ITGBL1: variants seen among roughly 807,000 people sequenced by gnomAD.
ITGBL1 encodes integrin subunit beta like 1.
Under a neutral mutation model 68.5 loss-of-function variants are expected in ITGBL1, and 51 were observed. That is an observed-to-expected ratio of 0.74 (90% CI 0.59 to 0.94). The LOEUF is 0.94. Ranked by LOEUF, ITGBL1 falls within the 40% of genes least tolerant of loss-of-function variation. The pLI is 0.00. For missense variants in ITGBL1, 649 were observed against 647.4 expected (o/e 1.00, Z -0.03); for synonymous variants, 209 against 227.3 (o/e 0.92, Z 0.72).
At chr13:101,474,443 C>T (rs7328060) in intron 2 of ITGBL1, among the ~76,000 whole-genome samples, 122 of 152,284 alleles carry the variant, frequency 8.0e-4, no homozygotes, top group African/African-American at 2.8e-3. Context: ...CCTGACTCCA[C>T]GCACTGGCTC....
intron 2 of ITGBL1, among the ~76,000 whole-genome samples, chr13:101,565,264 G>A (rs138745142): frequency 1.3e-4 from 20 of 152,162 alleles, no homozygotes; most frequent in African/African-American, 4.3e-4. Context: ...CTAATCCCCC[G>A]AGGTCTGCTA....
At chr13:101,699,500 T>G (rs1260870988) in intron 8 of ITGBL1, among the ~76,000 whole-genome samples, 2 of 152,184 alleles carry the variant, frequency 1.3e-5, no homozygotes, top group Non-Finnish European at 2.9e-5. Context: ...ATTCTCATGA[T>G]AGTAAGTTCT....
At chr13:101,633,838 T>G (rs570709412) in intron 7 of ITGBL1, among the ~76,000 whole-genome samples, 10 of 152,314 alleles carry the variant, frequency 6.6e-5, no homozygotes, top group Admixed American at 5.9e-4. Flanking sequence ...ATAGGCTGAT[T>G]ATGTATTTTA....
At chr13:101,521,713 C>T (rs549035204) in intron 2 of ITGBL1, among the ~76,000 whole-genome samples, 13 of 152,214 alleles carry the variant, frequency 8.5e-5, no homozygotes, top group South Asian at 2.1e-4. Flanking sequence ...ACAGGAGTGC[C>T]GAAGAGCATC....
intron 2 of ITGBL1, among the ~76,000 whole-genome samples, chr13:101,538,631 A>C (rs1271096807): frequency 6.6e-6 from 1 of 152,146 alleles, no homozygotes; most frequent in Non-Finnish European, 1.5e-5. Context: ...AGATCTCACT[A>C]TAGAACTATA....
At chr13:101,709,550 G>A (rs2034366617) in intron 9 of ITGBL1, among the ~76,000 whole-genome samples, 1 of 152,010 alleles carries the variant, frequency 6.6e-6, no homozygotes, top group African/African-American at 2.4e-5. Context: ...CTCTGAGCAT[G>A]GCTTCAGACA....
chr13:101,502,088 A>G (rs1390441847), intron 2 of ITGBL1, among the ~76,000 whole-genome samples: 1 of 152,242 alleles, frequency 6.6e-6, no homozygotes, highest in Non-Finnish European at 1.5e-5. Flanking sequence ...ACCCTAATTT[A>G]GGGATTAATG....
chr13:101,651,955 AG>A (rs1432568405), intron 7 of ITGBL1, among the ~76,000 whole-genome samples: 1 of 152,038 alleles, frequency 6.6e-6, no homozygotes, highest in Non-Finnish European at 1.5e-5. Context: ...TGTTTTCGTC[AG>A]GTTTGTTGAA....
intron 8 of ITGBL1, among the ~76,000 whole-genome samples, chr13:101,694,849 G>A (rs1438775104): frequency 6.6e-6 from 1 of 152,142 alleles, no homozygotes; most frequent in African/African-American, 2.4e-5. Flanking sequence ...CTTGGCTTTA[G>A]ATTCTTTTCA....
At chr13:101,548,562 A>T (rs891228915) in intron 2 of ITGBL1, among the ~76,000 whole-genome samples, 3 of 151,896 alleles carry the variant, frequency 2.0e-5, no homozygotes, top group African/African-American at 7.2e-5. Flanking sequence ...AGTTTAGTGC[A>T]TTTAAGTGAA....
chr13:101,570,305 GT>G (rs539649034), intron 3 of ITGBL1, among the ~76,000 whole-genome samples: 129 of 152,070 alleles, frequency 8.5e-4, no homozygotes, highest in African/African-American at 2.9e-3. Context: ...CCTGCCTTTT[GT>G]TTTTGTTTTT....
In ITGBL1 at chr13:101,702,043, CA is replaced by C. The variant is rs2034148712; in HGVS notation, c.1133-4712del. On this transcript the variant is annotated intron_variant, in intron 8 of 10. Coordinates refer to ENST00000376180, the MANE Select transcript of ITGBL1 (RefSeq NM_004791.3). Reference sequence around the variant, plus strand: ...AAAAAATATTGTAGAAAAAAGTAGCCATAGGTCTACTTTAATTATCTGTTTC... The same window carrying C: ...AAAAAATATTGTAGAAAAAAGTAGCCTAGGTCTACTTTAATTATCTGTTTC... 2.0e-5 allele frequency among the ~76,000 whole-genome samples: 3 copies of C among 152,084 alleles called. No individual in the cohort carries two copies. In the East Asian group the frequency reaches 5.8e-4, roughly 29 times the overall value.
chr13:101,584,328 G>A (rs4771403), intron 6 of ITGBL1, among the ~76,000 whole-genome samples: 75,221 of 152,064 alleles, frequency 0.49, 18,971 homozygotes, highest in East Asian at 0.68. Flanking sequence ...GCAGTCAGAA[G>A]TCTATCTGAA....
chr13:101,596,878 G>A (rs776443171), intron 6 of ITGBL1, among the ~76,000 whole-genome samples: 30 of 152,104 alleles, frequency 2.0e-4, no homozygotes, highest in Non-Finnish European at 3.5e-4. Flanking sequence ...AAATTATGGA[G>A]GACAGTGAAA....
intron 4 of ITGBL1, among the ~76,000 whole-genome samples, chr13:101,576,610 C>T (rs1040175959): frequency 4.6e-5 from 7 of 152,112 alleles, no homozygotes; most frequent in Non-Finnish European, 1.0e-4. Flanking sequence ...AATGGGGCCA[C>T]GTGGAACCAG....
In ITGBL1 at chr13:101,575,162, C is replaced by T. The variant is rs186309028; in HGVS notation, c.464-262C>T. ...GATGGCTATATGTGGAGTAGCTCTG[C>T]ACTTGGAGAGGTCAAATTTACATTC... is the stretch of plus-strand genomic sequence containing the variant. On this transcript the variant is annotated intron_variant, in intron 3 of 10. Transcript: ENST00000376180. Among the ~76,000 whole-genome samples, 170 of 152,156 alleles carry T rather than the reference C, an allele frequency of 1.1e-3. 1 individual carries two copies. The highest frequency in any genetic ancestry group is 3.5e-3 in the African/African-American group (144 of 41,532).
intron 7 of ITGBL1, among the ~76,000 whole-genome samples, chr13:101,677,659 C>A (rs146343202): frequency 2.0e-5 from 3 of 152,248 alleles, no homozygotes; most frequent in Non-Finnish European, 2.9e-5. Flanking sequence ...CCCCCTTATG[C>A]TAATCCATTC....
At chr13:101,680,666 A>G (rs1396478404) in intron 7 of ITGBL1, among the ~76,000 whole-genome samples, 2 of 152,144 alleles carry the variant, frequency 1.3e-5, no homozygotes, top group African/African-American at 4.8e-5. Flanking sequence ...TTTGTTGAAC[A>G]CATACTATGT....
chr13:101,674,248 GTCA>G lies in ITGBL1; in HGVS notation c.1016-18336_1016-18334del, dbSNP rs2033446587. On this transcript the variant is annotated intron_variant, in intron 7 of 10. Transcript: ENST00000376180. ...TCTGCTTGTCTAACCTTGGACTAAT[GTCA>G]GACTTGTTTTTGATCCTTGCAACTA... is the stretch of plus-strand genomic sequence containing the variant. Among the ~76,000 whole-genome samples, 4 of 152,292 alleles carry G rather than the reference GTCA, an allele frequency of 2.6e-5. No individual in the cohort carries two copies. In the South Asian group the frequency reaches 8.3e-4, roughly 32 times the overall value.
Sources: gnomAD v4.1 joint callset for allele counts (sites outside exome capture counted in the v4.1 genomes callset) on GRCh38, gnomAD v4.1.1 for gene constraint, MANE v1.5 for transcripts, NCBI Gene and HGNC (gene_info 2026-07-23, HGNC 2026-07-21) for gene names.